Variants in PNPLA7 observed in about 807,000 individuals in gnomAD.
PNPLA7 encodes patatin-like phospholipase domain-containing protein 7.
Under a neutral mutation model 161.7 loss-of-function variants are expected in PNPLA7, and 153 were observed. The ratio of observed to expected loss-of-function variants is 0.95; its 90% confidence interval spans 0.83 to 1.08. The LOEUF (loss-of-function observed/expected upper bound fraction) is 1.08, where lower values mean the gene tolerates loss of function less well. PNPLA7 is among the 50% of genes least tolerant of loss of function. The probability of loss-of-function intolerance (pLI) is 0.00; values close to 1 mark genes in which losing one functional copy is unlikely to be tolerated. For missense variants in PNPLA7, 1,739 were observed against 1,856.6 expected, an observed-to-expected ratio of 0.94 and a Z score of 1.16; for synonymous variants, 809 against 782.1, an observed-to-expected ratio of 1.03 and a Z score of -0.57.
At chr9:137,492,835 G>A (rs1334879429) in intron 20 of PNPLA7, among the ~76,000 whole-genome samples, 178 bp downstream of exon 20, 1 of 148,732 alleles carries the variant, frequency 6.7e-6, no homozygotes, top group Non-Finnish European at 1.5e-5. Flanking sequence ...GGACTAGGTG[G>A]GGCCATGGGC....
At chr9:137,542,109 G>A (rs1836236965) in intron 7 of PNPLA7, among the ~76,000 whole-genome samples, 1 of 152,164 alleles carries the variant, frequency 6.6e-6, no homozygotes, top group East Asian at 1.9e-4. Flanking sequence ...AATGGACCAT[G>A]GCAAATCAAC....
At position 137,479,297 on chromosome 9, in the gene PNPLA7, G is replaced by A. The variant is rs181533888; in HGVS notation, c.2581-59C>T. 3,057 of 1,443,922 alleles carry A rather than the reference G, an allele frequency of 2.1e-3. 12 individuals are homozygous for A. The highest frequency in any genetic ancestry group is 2.5e-3 in the Non-Finnish European group (2,701 of 1,093,572). 89.4% of individuals were successfully genotyped at this position (1,443,922 alleles called of 1,614,324 possible). On this transcript the variant is annotated intron_variant, in intron 23 of 34. Coordinates refer to ENST00000406427, the MANE Select transcript of PNPLA7 (RefSeq NM_001098537.3). Reference sequence around the variant, plus strand: ...GTGAGCCTGGGACTCGGGACAGGACGGAGCTGAAGGCCAGCACAGAGGGTC... The same window carrying A: ...GTGAGCCTGGGACTCGGGACAGGACAGAGCTGAAGGCCAGCACAGAGGGTC...
intron 18 of PNPLA7, among the ~76,000 whole-genome samples, chr9:137,495,425 A>G (rs1833000678): frequency 6.6e-6 from 1 of 152,132 alleles, no homozygotes; most frequent in South Asian, 2.1e-4. Flanking sequence ...CGAAGAAATA[A>G]ATGCCTTTGG....
intron 26 of PNPLA7, among the ~76,000 whole-genome samples, chr9:137,466,096 C>T (rs375734889): frequency 3.9e-5 from 6 of 152,176 alleles, no homozygotes; most frequent in Admixed American, 2.6e-4. Context: ...CAACCCAGGC[C>T]GGGTGCCATG....
rs1431708199 is a variant in PNPLA7, at chr9:137,538,334, C to T, written c.747+2308G>A. Reference sequence around the variant, plus strand: ...ACCCCAGGCCCCAAACAGCTCAAAGCGCACCTGTGCCCATCTGCCGGGGAG... The same window carrying T: ...ACCCCAGGCCCCAAACAGCTCAAAGTGCACCTGTGCCCATCTGCCGGGGAG... On this transcript the variant is annotated intron_variant, in intron 8 of 34. Coordinates refer to ENST00000406427, the MANE Select transcript of PNPLA7 (RefSeq NM_001098537.3). 3.9e-5 allele frequency among the ~76,000 whole-genome samples: 6 copies of T among 151,944 alleles called. 1 individual carries two copies. Among genetic ancestry groups the T allele is most frequent in the South Asian group, 2.1e-4 (1 of 4,836 alleles).
chr9:137,479,346 C>T, intron 23 of PNPLA7, 108 bp from the exon 24 acceptor site: 4 of 1,364,948 alleles, frequency 2.9e-6, no homozygotes, highest in Non-Finnish European at 3.8e-6. Flanking sequence ...CCGGGAGCAG[C>T]TCCTGGGTTC....
At chr9:137,477,925 T>C in intron 25 of PNPLA7, 109 bp downstream of exon 25, 2 of 930,362 alleles carry the variant, frequency 2.1e-6, no homozygotes, top group Non-Finnish European at 2.9e-6. Flanking sequence ...GAGGGTCTCG[T>C]CTGCGGGTGA....
chr9:137,525,818 ACT>A (rs1448724328), intron 8 of PNPLA7, among the ~76,000 whole-genome samples: 2 of 146,338 alleles, frequency 1.4e-5, no homozygotes, highest in Non-Finnish European at 3.0e-5. Flanking sequence ...GCGAAACGAG[ACT>A]CCCTTTCCTG....
At chr9:137,497,945 G>A (rs1374944330) in intron 17 of PNPLA7, among the ~76,000 whole-genome samples, 169 bp downstream of exon 17, 3 of 152,272 alleles carry the variant, frequency 2.0e-5, no homozygotes, top group African/African-American at 7.2e-5. Context: ...AGGCCACGAA[G>A]TGTGTTTCCG....
rs150911364 is a variant in PNPLA7, at chr9:137,530,075, C to T, written c.748-7218G>A. Among the ~76,000 whole-genome samples the T allele has an allele frequency of 9.6e-3, 1,456 of 152,230 alleles. 20 individuals carry two copies. The highest frequency in any genetic ancestry group is 0.033 in the African/African-American group (1,351 of 41,546). On this transcript the variant is annotated intron_variant, in intron 8 of 34. Transcript: ENST00000406427. ...TGCCTCCCGGGTTCAAGCGATTCTC[C>T]GGCCTCAGCCTCCCGAGTAGATGAG... is the stretch of plus-strand genomic sequence containing the variant.
At chr9:137,509,610 C>T in intron 12 of PNPLA7, 2 of 387,064 alleles carry the variant, frequency 5.2e-6, no homozygotes, top group South Asian at 3.8e-5. Flanking sequence ...ATGAGTTTAG[C>T]TAGTATGAAT....
chr9:137,478,928 C>G (rs551330479), intron 24 of PNPLA7, 128 bp downstream of exon 24: 2 of 1,267,530 alleles, frequency 1.6e-6, no homozygotes, highest in East Asian at 5.5e-5. Context: ...GGGTCACGTT[C>G]ACAAGCACAG....
intron 21 of PNPLA7, 129 bp downstream of exon 21, chr9:137,484,458 G>C (rs970389986): frequency 9.5e-7 from 1 of 1,053,472 alleles, no homozygotes; most frequent in Non-Finnish European, 1.3e-6. Flanking sequence ...AAACACTACC[G>C]AACACTGACC....
At chr9:137,474,239 AAAAC>A (rs1176683068) in intron 25 of PNPLA7, among the ~76,000 whole-genome samples, 4 of 152,226 alleles carry the variant, frequency 2.6e-5, no homozygotes, top group African/African-American at 4.8e-5. Context: ...ACCCCGTCTC[AAAAC>A]AAACAAACAA....
intron 25 of PNPLA7, among the ~76,000 whole-genome samples, chr9:137,475,417 C>A (rs1434771298): frequency 2.0e-5 from 3 of 152,158 alleles, no homozygotes; most frequent in Non-Finnish European, 4.4e-5. Context: ...CTCTGTCTCC[C>A]AGGCTGGAGG....
intron 8 of PNPLA7, among the ~76,000 whole-genome samples, chr9:137,538,602 T>C (rs1836018906): frequency 6.6e-6 from 1 of 152,214 alleles, no homozygotes; most frequent in Non-Finnish European, 1.5e-5. Flanking sequence ...CAGCTAACAA[T>C]GAATGCAAAA....
chr9:137,471,766 G>A (rs1168903543), intron 25 of PNPLA7, among the ~76,000 whole-genome samples: 4 of 151,888 alleles, frequency 2.6e-5, no homozygotes, highest in Non-Finnish European at 5.9e-5. Context: ...TCTAGATTGT[G>A]GGCTGGAAGG....
chr9:137,499,247 C>T lies in PNPLA7; in HGVS notation c.1758-1002G>A, dbSNP rs1016134984. Among the ~76,000 whole-genome samples the T allele has an allele frequency of 2.6e-5, 4 of 151,358 alleles. No individual in the cohort carries two copies. The highest frequency in any genetic ancestry group is 6.6e-5 in the Admixed American group (1 of 15,202). On this transcript the variant is annotated intron_variant, in intron 16 of 34. Transcript: ENST00000406427. This position sits in a 1 kb window ranked among gnomAD's most constrained non-coding sequence, Gnocchi z 5.5. ...ACACAGACACACAGACACACACAGACACAAGGAGACACACATGGACACATG... is the reference window on the plus strand; with the variant it reads ...ACACAGACACACAGACACACACAGATACAAGGAGACACACATGGACACATG...
intron 17 of PNPLA7, among the ~76,000 whole-genome samples, chr9:137,497,873 C>T (rs1336679310): frequency 2.0e-5 from 3 of 152,248 alleles, no homozygotes; most frequent in Non-Finnish European, 2.9e-5. Context: ...TATAATGACA[C>T]GGAGAGATGC....
Sources: allele counts gnomAD v4.1 joint callset (sites outside exome capture counted in the v4.1 genomes callset), GRCh38; gene constraint gnomAD v4.1.1; non-coding constraint Gnocchi (gnomAD v3.1); transcripts MANE v1.5; gene names NCBI Gene and HGNC (gene_info 2026-07-23, HGNC 2026-07-21).